Variants in ABCC2 observed in about 807,000 individuals in gnomAD.
ABCC2 encodes ATP binding cassette subfamily C member 2.
Under a neutral mutation model 173.4 loss-of-function variants are expected in ABCC2, and 157 were observed. The ratio of observed to expected loss-of-function variants is 0.91; its 90% confidence interval spans 0.80 to 1.03. The LOEUF (loss-of-function observed/expected upper bound fraction) is 1.03, where lower values mean the gene tolerates loss of function less well. Ranked by LOEUF, ABCC2 falls within the 50% of genes least tolerant of loss-of-function variation. The pLI is 0.00. For missense variants in ABCC2, 1,822 were observed against 1,852.3 expected (o/e 0.98, Z 0.30); for synonymous variants, 657 against 693.5 (o/e 0.95, Z 0.83).
At chr10:99,830,542 A>T in intron 20 of ABCC2, 109 bp downstream of exon 20, 2 of 1,571,224 alleles carry the variant, frequency 1.3e-6, no homozygotes, top group South Asian at 1.1e-5. Flanking sequence ...TGGACACTCC[A>T]AGCTCTTCCT....
intron 16 of ABCC2, 63 bp from the exon 17 acceptor site, chr10:99,817,245 C>G: frequency 2.0e-6 from 3 of 1,532,598 alleles, no homozygotes; most frequent in Non-Finnish European, 2.7e-6. Flanking sequence ...CCAGCCACCC[C>G]GTCCTTCAAC....
rs1416560742 is a variant in ABCC2, at chr10:99,817,361, G to T, written c.2148G>T (p.Lys716Asn). The T allele has an allele frequency of 2.5e-6, 4 of 1,614,140 alleles. No homozygotes were observed. In the East Asian group the frequency reaches 6.7e-5, roughly 27 times the overall value. Residue 716 changes from lysine to asparagine, a missense_variant, in exon 17 of 32, where the codon AAG becomes AAT. Lys to Asn is a moderately conservative substitution (Grantham distance 94). Coordinates refer to ENST00000647814, the MANE Select transcript of ABCC2 (RefSeq NM_000392.5). ...CCTGGATTCAGAATGGCACCATAAAGGACAACATCCTTTTTGGAACAGAGT... is the reference window on the plus strand; with the variant it reads ...CCTGGATTCAGAATGGCACCATAAATGACAACATCCTTTTTGGAACAGAGT... Reference protein sequence around the residue: ...QQSWIQNGTIKDNILFGTEFN... With the variant: ...QQSWIQNGTINDNILFGTEFN...
At position 99,845,676 on chromosome 10, in the gene ABCC2, T is replaced by C. The variant is rs373121133; in HGVS notation, c.4040T>C (p.Leu1347Pro). Residue 1347 changes from leucine (L) to proline (P), a missense_variant, in exon 29 of 32, where the codon CTC (leucine) becomes CCC (proline). By Grantham distance (98) the Leu-to-Pro change is moderately conservative. Coordinates refer to ENST00000647814, the MANE Select transcript of ABCC2 (RefSeq NM_000392.5). ...GAGKSSLTNCLFRILEAAGGQ... is the reference protein window; with the variant it reads ...GAGKSSLTNCPFRILEAAGGQ... ...GGAAAGTCATCCCTCACAAACTGCC[T>C]CTTCAGAATCTTAGAGGCTGCCGGT... The C allele has an allele frequency of 3.2e-5, 51 of 1,613,944 alleles. No homozygotes were observed. Among genetic ancestry groups the C allele is most frequent in the Non-Finnish European group, 6.8e-6 (8 of 1,180,010 alleles).
rs746208778 is a variant in ABCC2, at chr10:99,803,996, C to T, written c.1210-23C>T. 5 of 1,613,974 alleles carry T rather than the reference C, an allele frequency of 3.1e-6. No homozygotes were observed. The South Asian group carries it at 5.5e-5, about 18-fold the overall frequency. ...GTATCCTTGGCTTTGTCCATGGGTCCTAATTTCAATCCTTATCTTTAGGCA... is the reference window on the plus strand; with the variant it reads ...GTATCCTTGGCTTTGTCCATGGGTCTTAATTTCAATCCTTATCTTTAGGCA... On this transcript the variant is annotated intron_variant, in intron 9 of 31. Coordinates refer to ENST00000647814, the MANE Select transcript of ABCC2 (RefSeq NM_000392.5).
chr10:99,800,402 G>A lies in ABCC2; in HGVS notation c.1048G>A (p.Ala350Thr). ...CTCTGGCAGATTGCTGATCTCCTTT[G>A]CAAGTGACCGTGACACATATTTGTG... The part of the protein sequence containing the change: ...PQLLKLLISF[A>T]SDRDTYLWIG... The change falls in exon 9 of 32, where the codon GCA becomes ACA. Residue 350 changes from alanine (A) to threonine (T), a missense_variant. Ala to Thr is a moderately conservative substitution (Grantham distance 58). Coordinates refer to ENST00000647814, the MANE Select transcript of ABCC2 (RefSeq NM_000392.5). The A allele has an allele frequency of 1.2e-6, 2 of 1,614,148 alleles. No homozygotes were observed. The highest frequency in any genetic ancestry group is 1.7e-6 in the Non-Finnish European group (2 of 1,180,032).
chr10:99,807,600 T>C, intron 12 of ABCC2, 79 bp downstream of exon 12: 1 of 1,597,148 alleles, frequency 6.3e-7, no homozygotes, highest in Non-Finnish European at 8.6e-7. Flanking sequence ...TCACTTTTGA[T>C]AGACTAGCTG....
intron 2 of ABCC2, among the ~76,000 whole-genome samples, chr10:99,786,362 C>T (rs2037710574): frequency 6.6e-6 from 1 of 152,168 alleles, no homozygotes; most frequent in African/African-American, 2.4e-5. Context: ...CAACTCTGAA[C>T]ATTTAATAAC....
chr10:99,845,891 G>A (rs922552721), intron 29 of ABCC2, 109 bp downstream of exon 29: 6 of 1,220,074 alleles, frequency 4.9e-6, no homozygotes, highest in Non-Finnish European at 7.0e-6. Context: ...TCAATTCCAC[G>A]GTCTACTCGG....
chr10:99,819,746 A>G (rs772543527), intron 19 of ABCC2, among the ~76,000 whole-genome samples: 2 of 152,332 alleles, frequency 1.3e-5, no homozygotes, highest in South Asian at 2.1e-4. Flanking sequence ...TGATTAATAT[A>G]CCAAAACCAC....
intron 30 of ABCC2, among the ~76,000 whole-genome samples, chr10:99,847,495 CAG>C (rs2039035050): frequency 6.6e-6 from 1 of 151,952 alleles, no homozygotes; most frequent in Non-Finnish European, 1.5e-5. Flanking sequence ...CCAAGCTACT[CAG>C]GAGGCTGAGG....
At position 99,799,162 on chromosome 10, in the gene ABCC2, AACAG is replaced by A. The variant is rs777159132; in HGVS notation, c.868-41_868-38del. On this transcript the variant is annotated intron_variant, in intron 7 of 31. Transcript: ENST00000647814. ...CCACCCTGGAGCTGCTCAGGCCAGT[AACAG>A]ACATAACTCTGTGGACACTGTTGTT... 4.3e-6 allele frequency: 7 copies of A among 1,610,278 alleles called. 1 individual carries two copies. In the Middle Eastern group the frequency reaches 1.0e-3, roughly 231 times the overall value.
Position 99,844,328 on chromosome 10 carries a change from T to A in ABCC2, c.3850T>A (p.Trp1284Arg), listed in dbSNP as rs1265009798. Residue 1284 changes from tryptophan (W) to arginine (R), a missense_variant, in exon 28 of 32, where the codon TGG becomes AGG. By Grantham distance (101) the Trp-to-Arg change is moderately radical. Coordinates refer to ENST00000647814, the MANE Select transcript of ABCC2 (RefSeq NM_000392.5). ...CATCTTGTCTCCTTGCCAGGCACCC[T>A]GGGTGACTGATAAGAGGCCTCCGCC... ...EYTKVENEAP[W>R]VTDKRPPPDW... 2.5e-6 allele frequency: 4 copies of A among 1,614,090 alleles called. No homozygotes were observed. The African/African-American group carries it at 5.3e-5, about 22-fold the overall frequency.
intron 21 of ABCC2, 61 bp downstream of exon 21, chr10:99,830,912 T>C: frequency 6.3e-7 from 1 of 1,594,936 alleles, no homozygotes; most frequent in Non-Finnish European, 8.6e-7. Flanking sequence ...CCAAAATTTT[T>C]AACGTTCAGT....
rs112931022 is a variant in ABCC2, at chr10:99,794,780, T to A, written c.632+312T>A. Reference sequence around the variant, plus strand: ...AGCTGGTCTTGAACTCAAGCTCATGTTCCACCTGCCTTGGCCTCTCTACGT... The same window carrying A: ...AGCTGGTCTTGAACTCAAGCTCATGATCCACCTGCCTTGGCCTCTCTACGT... On this transcript the variant is annotated intron_variant, in intron 6 of 31. Transcript: ENST00000647814. 6.8e-3 allele frequency among the ~76,000 whole-genome samples: 1,033 copies of A among 152,206 alleles called. 8 individuals are homozygous for A. The highest frequency in any genetic ancestry group is 0.023 in the African/African-American group (960 of 41,524).
intron 16 of ABCC2, among the ~76,000 whole-genome samples, chr10:99,814,425 A>G (rs115447802): frequency 3.7e-5 from 5 of 135,042 alleles, no homozygotes; most frequent in Admixed American, 7.2e-5. Flanking sequence ...ATATGTGTGC[A>G]TATATGTGTA....
intron 30 of ABCC2, among the ~76,000 whole-genome samples, chr10:99,848,243 CAA>C (rs1490158408): frequency 6.6e-6 from 1 of 152,228 alleles, no homozygotes; most frequent in Admixed American, 6.5e-5. Context: ...CTGAAATCAA[CAA>C]AAGACTCTCT....
At position 99,851,412 on chromosome 10, in the gene ABCC2, A is replaced by G. The variant is rs77877830; in HGVS notation, c.4509-90A>G. On this transcript the variant is annotated intron_variant, in intron 31 of 31. Transcript: ENST00000647814. ...CACTGCTTTGTAGCCTTGTCTGACT[A>G]TACCACAACTTAGTCCTGGTTATTC... 5.9e-3 allele frequency: 8,743 copies of G among 1,483,334 alleles called. 428 individuals carry two copies. In the African/African-American group the frequency reaches 0.1, roughly 18 times the overall value. The allele number at this position is 1,483,334 out of a possible 1,614,324, so 91.9% of individuals were successfully genotyped here.
intron 11 of ABCC2, among the ~76,000 whole-genome samples, chr10:99,806,077 C>CTGTGTG (rs10559742): frequency 2.4e-4 from 35 of 148,018 alleles, no homozygotes; most frequent in South Asian, 1.7e-3. Context: ...CTCTCTCTGT[C>CTGTGTG]TGTGTGTGTG....
intron 10 of ABCC2, among the ~76,000 whole-genome samples, chr10:99,804,928 A>G (rs1385986363): frequency 6.6e-6 from 1 of 152,222 alleles, no homozygotes; most frequent in Non-Finnish European, 1.5e-5. Flanking sequence ...GGCAATACAC[A>G]AAGAAGAAAA....
Sources: gnomAD v4.1 joint callset for allele counts (sites outside exome capture counted in the v4.1 genomes callset) on GRCh38, gnomAD v4.1.1 for gene constraint, MANE v1.5 for transcripts, NCBI Gene and HGNC (gene_info 2026-07-23, HGNC 2026-07-21) for gene names.